The following PRKN variants were observed in gnomAD, a reference collection of about 807,000 sequenced individuals.
PRKN encodes E3 ubiquitin-protein ligase parkin.
In PRKN, 56 loss-of-function variants were observed where a neutral mutation model predicts 59.5. The observed-to-expected ratio is 0.94, with a 90% CI of 0.76 to 1.18. The LOEUF is 1.18. Ranked by LOEUF, PRKN falls within the 50% of genes most tolerant of loss-of-function variation. The pLI is 0.00. For synonymous variants in PRKN, 250 were observed against 222.1 expected, an observed-to-expected ratio of 1.13 and a Z score of -1.12; for missense variants, 657 against 596.4, an observed-to-expected ratio of 1.10 and a Z score of -1.06.
chr6:162,672,606 A>ATT (rs1779367302), intron 1 of PRKN, among the ~76,000 whole-genome samples: 1 of 152,108 alleles, frequency 6.6e-6, no homozygotes, highest in Non-Finnish European at 1.5e-5. Flanking sequence ...CAAATTTTAG[A>ATT]AAGTTTGTAA....
At chr6:162,494,640 TG>T (rs1283110517) in intron 1 of PRKN, among the ~76,000 whole-genome samples, 1 of 152,146 alleles carries the variant, frequency 6.6e-6, no homozygotes, top group Non-Finnish European at 1.5e-5. Flanking sequence ...ACCTCTTAAA[TG>T]GGGATTGTAA....
At chr6:162,537,628 T>G (rs991775806) in intron 1 of PRKN, among the ~76,000 whole-genome samples, 1 of 152,160 alleles carries the variant, frequency 6.6e-6, no homozygotes, top group Admixed American at 6.5e-5. Context: ...TGTTCCCCTT[T>G]CTGGGACCCT....
intron 4 of PRKN, among the ~76,000 whole-genome samples, chr6:162,125,051 T>C (rs2128306541): frequency 6.6e-6 from 1 of 152,280 alleles, no homozygotes. Context: ...TTATAGAAAG[T>C]GAGGAATTCT....
intron 1 of PRKN, among the ~76,000 whole-genome samples, chr6:162,522,878 C>A (rs1052541711): frequency 6.6e-6 from 1 of 152,036 alleles, no homozygotes; most frequent in African/African-American, 2.4e-5. Flanking sequence ...TCAGTTGGAC[C>A]ATAGAGCCTT....
chr6:161,773,157 T>C (rs888278513), intron 7 of PRKN, among the ~76,000 whole-genome samples: 3 of 152,222 alleles, frequency 2.0e-5, no homozygotes, highest in Non-Finnish European at 4.4e-5. Context: ...ATCCAGGTGG[T>C]GGTTACAGAG....
intron 2 of PRKN, among the ~76,000 whole-genome samples, chr6:162,317,583 C>G (rs1274402933): frequency 3.3e-5 from 5 of 152,056 alleles, no homozygotes. Context: ...GTCTTGGGAA[C>G]AGATGTATCA....
intron 5 of PRKN, among the ~76,000 whole-genome samples, chr6:162,023,127 G>A (rs1783274605): frequency 6.6e-6 from 1 of 151,954 alleles, no homozygotes; most frequent in Non-Finnish European, 1.5e-5. Context: ...CAACCTCTAG[G>A]TGAACATACA....
In PRKN at chr6:161,447,491, CT is replaced by C. The variant is rs1217060859; in HGVS notation, c.1084-60615del. Among the ~76,000 whole-genome samples the C allele has an allele frequency of 6.6e-6, 1 of 152,034 alleles. No individual in the cohort carries two copies. Among genetic ancestry groups the C allele is most frequent in the Non-Finnish European group, 1.5e-5 (1 of 68,008 alleles). On this transcript the variant is annotated intron_variant, in intron 9 of 11. Transcript: ENST00000366898. This position sits in a 1 kb window ranked among gnomAD's most constrained non-coding sequence, Gnocchi z 4.1. ...TAATCTCCCATATTCCTCTGCCATCCTTTCTTTCCTTCCTTTCCTTGAGATG... is the reference window on the plus strand; with the variant it reads ...TAATCTCCCATATTCCTCTGCCATCCTTCTTTCCTTCCTTTCCTTGAGATG...
chr6:162,603,096 G>C (rs1781773463), intron 1 of PRKN, among the ~76,000 whole-genome samples: 1 of 152,110 alleles, frequency 6.6e-6, no homozygotes, highest in Non-Finnish European at 1.5e-5. Context: ...GGTTCGTGGG[G>C]TGTTTCTTAT....
chr6:161,943,452 A>G (rs1006526763), intron 6 of PRKN, among the ~76,000 whole-genome samples: 1 of 152,262 alleles, frequency 6.6e-6, no homozygotes, highest in African/African-American at 2.4e-5. Flanking sequence ...ATGAAATGTA[A>G]TATGTGGATA....
intron 2 of PRKN, among the ~76,000 whole-genome samples, chr6:162,377,689 C>A (rs897608590): frequency 1.3e-5 from 2 of 152,132 alleles, no homozygotes; most frequent in Admixed American, 6.5e-5. Context: ...GCTGCCAGCA[C>A]TGGGACAGGC....
At chr6:161,776,476 T>A (rs1464743412) in intron 7 of PRKN, among the ~76,000 whole-genome samples, 1 of 152,168 alleles carries the variant, frequency 6.6e-6, no homozygotes, top group Non-Finnish European at 1.5e-5. Context: ...GTCAAATCAC[T>A]AGAGATTACA....
chr6:161,921,022 C>T (rs1050402661), intron 6 of PRKN, among the ~76,000 whole-genome samples: 4 of 152,154 alleles, frequency 2.6e-5, no homozygotes, highest in African/African-American at 9.7e-5. Flanking sequence ...ACTTTATACA[C>T]TTCTTAATTT....
intron 9 of PRKN, among the ~76,000 whole-genome samples, chr6:161,537,446 T>TC (rs1014184910): frequency 3.3e-5 from 5 of 152,010 alleles, no homozygotes; most frequent in Admixed American, 2.6e-4. Context: ...CTTTTTTTTT[T>TC]CTTTTCTTTT....
intron 1 of PRKN, among the ~76,000 whole-genome samples, chr6:162,661,431 T>C (rs1778874751): frequency 6.6e-6 from 1 of 152,104 alleles, no homozygotes; most frequent in Non-Finnish European, 1.5e-5. Context: ...AGCAAAACTA[T>C]AAAGACAAGT....
At chr6:162,069,802 G>A (rs1778497313) in intron 4 of PRKN, among the ~76,000 whole-genome samples, 1 of 152,102 alleles carries the variant, frequency 6.6e-6, no homozygotes, top group Non-Finnish European at 1.5e-5. Context: ...ATCTTAAGAA[G>A]ACACCTAATC....
intron 1 of PRKN, among the ~76,000 whole-genome samples, chr6:162,482,474 A>C (rs957744630): frequency 6.6e-6 from 1 of 152,180 alleles, no homozygotes; most frequent in Non-Finnish European, 1.5e-5. Flanking sequence ...ATGAGTCTAC[A>C]TCTTCATAAA....
chr6:162,149,433 C>G (rs1013963714), intron 4 of PRKN, among the ~76,000 whole-genome samples: 22 of 152,094 alleles, frequency 1.4e-4, no homozygotes, highest in African/African-American at 5.3e-4. Context: ...TTAGTAGAGA[C>G]AGATTGCACT....
At chr6:161,933,563 G>A (rs1020092564) in intron 6 of PRKN, among the ~76,000 whole-genome samples, 4 of 152,014 alleles carry the variant, frequency 2.6e-5, no homozygotes, top group African/African-American at 9.7e-5. Context: ...TAACTTTGGT[G>A]TCACAGTTCC....
Sources: gnomAD v4.1 joint callset for allele counts (sites outside exome capture counted in the v4.1 genomes callset) on GRCh38, gnomAD v4.1.1 for gene constraint, Gnocchi (gnomAD v3.1) non-coding constraint, MANE v1.5 for transcripts, NCBI Gene and HGNC (gene_info 2026-07-23, HGNC 2026-07-21) for gene names.